USP40: variants seen among roughly 807,000 people sequenced by gnomAD.
The protein encoded by USP40 is ubiquitin carboxyl-terminal hydrolase 40.
USP40 carries 143 observed loss-of-function variants against 166.2 expected under a neutral mutation model. The observed-to-expected ratio is 0.86, with a 90% confidence interval of 0.75 to 0.99. The LOEUF is 0.99. Among genes scored for constraint, USP40 ranks in the 50% least tolerant of loss-of-function variants. USP40 has a pLI of 0.00. For synonymous variants in USP40, 498 were observed against 524.0 expected, an observed-to-expected ratio of 0.95 and a Z score of 0.68; for missense variants, 1,444 against 1,479.7, an observed-to-expected ratio of 0.98 and a Z score of 0.40.
At chr2:233,515,563 G>GT (rs879283497) in intron 18 of USP40, among the ~76,000 whole-genome samples, 107 of 146,362 alleles carry the variant, frequency 7.3e-4, no homozygotes, top group African/African-American at 1.1e-3. Flanking sequence ...GGTTACAAGG[G>GT]TTTTTTTTTT....
At chr2:233,489,570 CA>C (rs1386775573) in intron 26 of USP40, 87 bp from the exon 27 acceptor site, 2 of 1,029,330 alleles carry the variant, frequency 1.9e-6, no homozygotes, top group Non-Finnish European at 2.8e-6. Context: ...TGAAGCACTA[CA>C]CAGTGGCATC....
chr2:233,550,788 T>C (rs2070478456), intron 7 of USP40, among the ~76,000 whole-genome samples: 1 of 152,204 alleles, frequency 6.6e-6, no homozygotes, highest in Non-Finnish European at 1.5e-5. Flanking sequence ...CAAAACCTTT[T>C]CTTTCCCTAT....
Position 233,480,555 on chromosome 2 carries a change from G to A in USP40, c.3599+648C>T, listed in dbSNP as rs974065486. Among the ~76,000 whole-genome samples, 1 of 152,260 alleles carries A rather than the reference G, an allele frequency of 6.6e-6. No homozygotes were observed. The highest frequency in any genetic ancestry group is 6.5e-5 in the Admixed American group (1 of 15,290). ...GGGCACAGAGCCTGTGGCTTGGCCTGACTGCAAGCAGCACCTGCTTCCTCC... is the reference window on the plus strand; with the variant it reads ...GGGCACAGAGCCTGTGGCTTGGCCTAACTGCAAGCAGCACCTGCTTCCTCC... On this transcript the variant is annotated intron_variant, in intron 31 of 31. Transcript: ENST00000678225. This position sits in a 1 kb window ranked among gnomAD's most constrained non-coding sequence, Gnocchi z 4.5.
chr2:233,492,957 A>C (rs1184392960), intron 25 of USP40: 1 of 171,850 alleles, frequency 5.8e-6, no homozygotes, highest in Non-Finnish European at 1.3e-5. Flanking sequence ...CCTTCTCAGA[A>C]GTCAGTGAGA....
chr2:233,518,144 C>A (rs1173622199), intron 18 of USP40, among the ~76,000 whole-genome samples: 4 of 149,240 alleles, frequency 2.7e-5, no homozygotes, highest in Non-Finnish European at 5.9e-5. Context: ...ACTCATGTAA[C>A]CAAACACCAC....
intron 30 of USP40, among the ~76,000 whole-genome samples, chr2:233,484,141 G>A (rs983943800): frequency 2.0e-5 from 3 of 152,208 alleles, no homozygotes; most frequent in Admixed American, 6.5e-5. Context: ...CTGGGCAACA[G>A]AGCGAGATAC....
At chr2:233,543,829 G>A (rs1198024657) in intron 8 of USP40, among the ~76,000 whole-genome samples, 1 of 152,196 alleles carries the variant, frequency 6.6e-6, no homozygotes, top group Non-Finnish European at 1.5e-5. Flanking sequence ...CTAAGACACC[G>A]ATCTTGCTGA....
At chr2:233,494,230 T>A (rs2065519488) in intron 24 of USP40, among the ~76,000 whole-genome samples, 1 of 152,202 alleles carries the variant, frequency 6.6e-6, no homozygotes, top group South Asian at 2.1e-4. Flanking sequence ...ATATTTGACC[T>A]TCATTCGATT....
intron 8 of USP40, among the ~76,000 whole-genome samples, chr2:233,547,808 G>A (rs1006009115): frequency 1.3e-5 from 2 of 152,198 alleles, no homozygotes; most frequent in Non-Finnish European, 1.5e-5. Flanking sequence ...ATCCCACTGA[G>A]TATGTGTGTG....
At chr2:233,557,636 G>C (rs534817302) in intron 4 of USP40, among the ~76,000 whole-genome samples, 30 of 152,234 alleles carry the variant, frequency 2.0e-4, no homozygotes, top group African/African-American at 6.5e-4. Flanking sequence ...GAGCAGCTGG[G>C]GGGAGGGCCA....
intron 9 of USP40, among the ~76,000 whole-genome samples, chr2:233,541,228 A>G (rs1342966280): frequency 6.6e-6 from 1 of 152,240 alleles, no homozygotes; most frequent in Admixed American, 6.5e-5. Flanking sequence ...CCCAAAATTC[A>G]TATGTTGAAT....
chr2:233,511,840 A>G (rs1369338296), intron 19 of USP40, 43 bp from the exon 20 acceptor site: 2 of 1,426,538 alleles, frequency 1.4e-6, no homozygotes, highest in Non-Finnish European at 1.9e-6. Flanking sequence ...ATTAATTCCT[A>G]GCTCTCTAAG....
Position 233,481,250 on chromosome 2 carries a change from G to A in USP40, c.3552C>T (p.Asp1184=), listed in dbSNP as rs1336881506. The A allele has an allele frequency of 6.2e-7, 1 of 1,608,236 alleles. No individual in the cohort carries two copies. Among genetic ancestry groups the A allele is most frequent in the Admixed American group, 1.7e-5 (1 of 59,346 alleles). The change falls in exon 31 of 32, where the codon GAC becomes GAT. Residue 1184 remains aspartate, a synonymous_variant. Transcript: ENST00000678225. ...GTTGTTTCTGCTTTTCTTTTCCAGT[G>A]TCATCTCTGATTGTACTGAAATCAT... ...DDDDFSTIRD[D]TGKEKQKQRA... is the part of the protein sequence containing the mutation.
chr2:233,503,037 G>A (rs1038902504), intron 21 of USP40, among the ~76,000 whole-genome samples: 5 of 152,132 alleles, frequency 3.3e-5, no homozygotes, highest in African/African-American at 4.8e-5. Flanking sequence ...CCGAAGAAAA[G>A]TATATTTATG....
intron 23 of USP40, among the ~76,000 whole-genome samples, chr2:233,497,665 T>TA (rs2065825951): frequency 6.6e-6 from 1 of 152,194 alleles, no homozygotes; most frequent in East Asian, 1.9e-4. Flanking sequence ...ATTTGGGAAT[T>TA]AATAGAGAAG....
At chr2:233,532,559 T>C (rs1266901837) in intron 11 of USP40, among the ~76,000 whole-genome samples, 1 of 152,228 alleles carries the variant, frequency 6.6e-6, no homozygotes, top group East Asian at 1.9e-4. Flanking sequence ...AGTGTACTTT[T>C]GTTTTCCATA....
intron 1 of USP40, 103 bp downstream of exon 1, chr2:233,566,581 G>T: frequency 3.0e-6 from 2 of 663,922 alleles, no homozygotes; most frequent in Non-Finnish European, 3.7e-6. Flanking sequence ...CCTCAGGCAG[G>T]CCTGGGCAGC....
chr2:233,553,003 C>T (rs2070720539), intron 6 of USP40, among the ~76,000 whole-genome samples: 1 of 151,990 alleles, frequency 6.6e-6, no homozygotes, highest in Admixed American at 6.5e-5. Context: ...TCACATCACC[C>T]ACAGCAGTGG....
chr2:233,531,912 G>A (rs1001104444), intron 11 of USP40, among the ~76,000 whole-genome samples: 2 of 152,096 alleles, frequency 1.3e-5, no homozygotes, highest in Non-Finnish European at 2.9e-5. Flanking sequence ...AGGAGAATAG[G>A]GTCTGGAGAC....
Sources: allele counts gnomAD v4.1 joint callset (sites outside exome capture counted in the v4.1 genomes callset), GRCh38; gene constraint gnomAD v4.1.1; non-coding constraint Gnocchi (gnomAD v3.1); transcripts MANE v1.5; gene names NCBI Gene and HGNC (gene_info 2026-07-23, HGNC 2026-07-21).